KCNMA1: variants seen among roughly 807,000 people sequenced by gnomAD.
The protein encoded by KCNMA1 is Calcium-activated potassium channel subunit alpha-1.
In KCNMA1, 29 loss-of-function variants were observed where a neutral mutation model predicts 140.0. That is an observed-to-expected ratio of 0.21 (90% CI 0.15 to 0.28). The LOEUF (loss-of-function observed/expected upper bound fraction) is 0.28, where lower values mean the gene tolerates loss of function less well. Ranked by LOEUF, KCNMA1 falls within the 10% of genes least tolerant of loss-of-function variation. KCNMA1 has a pLI of 1.00. For synonymous variants in KCNMA1, 612 were observed against 611.9 expected (o/e 1.00, Z 0.00); for missense variants, 880 against 1,602.2 (o/e 0.55, Z 7.70).
chr10:77,380,154 G>T (rs959642522), intron 2 of KCNMA1, among the ~76,000 whole-genome samples: 3 of 152,212 alleles, frequency 2.0e-5, no homozygotes, highest in African/African-American at 7.2e-5. Flanking sequence ...GAAATTTTAT[G>T]TTGTCGTCTG....
intron 2 of KCNMA1, among the ~76,000 whole-genome samples, chr10:77,285,091 T>C (rs1017312606): frequency 6.6e-6 from 1 of 152,202 alleles, no homozygotes; most frequent in African/African-American, 2.4e-5. Context: ...GGAGGTTTAA[T>C]AAAATCTACC....
chr10:76,943,113 G>A (rs10762740), intron 23 of KCNMA1, among the ~76,000 whole-genome samples: 115,169 of 152,094 alleles, frequency 0.76, 44,191 homozygotes, highest in Middle Eastern at 0.85. Context: ...ACCAAATGCC[G>A]GCTTGCCTCT....
intron 1 of KCNMA1, among the ~76,000 whole-genome samples, chr10:77,543,725 G>A (rs754933703): frequency 2.7e-4 from 41 of 152,298 alleles, no homozygotes; most frequent in African/African-American, 8.9e-4. Flanking sequence ...GAATTCCTAC[G>A]TAGGGGACAT....
chr10:77,355,958 G>T (rs1034053744), intron 2 of KCNMA1, among the ~76,000 whole-genome samples: 40 of 152,208 alleles, frequency 2.6e-4, no homozygotes, highest in Admixed American at 1.8e-3. Context: ...CAATATCCAC[G>T]TGGGAAACTC....
At chr10:77,481,826 T>C (rs1339560755) in intron 1 of KCNMA1, among the ~76,000 whole-genome samples, 4 of 116,832 alleles carry the variant, frequency 3.4e-5, no homozygotes, top group Non-Finnish European at 1.8e-5. Context: ...ACTAGGCTTT[T>C]GATATAAATC....
chr10:77,312,974 G>A (rs893567203), intron 2 of KCNMA1, among the ~76,000 whole-genome samples: 60 of 152,090 alleles, frequency 3.9e-4, no homozygotes, highest in African/African-American at 1.4e-3. Context: ...ATTGACACAC[G>A]GCCACTCTCA....
At chr10:77,162,925 G>A (rs569601186) in intron 5 of KCNMA1, among the ~76,000 whole-genome samples, 103 of 152,254 alleles carry the variant, frequency 6.8e-4, no homozygotes, top group African/African-American at 2.3e-3. Flanking sequence ...ACTCATCCTC[G>A]GAAGATCTGA....
At chr10:77,323,340 A>G (rs763263338) in intron 2 of KCNMA1, among the ~76,000 whole-genome samples, 1 of 152,222 alleles carries the variant, frequency 6.6e-6, no homozygotes, top group Admixed American at 6.5e-5. Flanking sequence ...TCTTTCCTTT[A>G]GTGACAAGTG....
rs139054605 is a variant in KCNMA1, at chr10:77,420,545, C to T, written c.379-16522G>A. On this transcript the variant is annotated intron_variant, in intron 1 of 27. Coordinates refer to ENST00000286628, the MANE Select transcript of KCNMA1 (RefSeq NM_001161352.2). The stretch of plus-strand genomic sequence containing the variant: ...TCTGCTTATCAGTCCTCATTACATT[C>T]TAGTCCAGTGGCTACATCCATCAGT... 1.6e-3 allele frequency among the ~76,000 whole-genome samples: 244 copies of T among 152,324 alleles called. 1 individual carries two copies. Among genetic ancestry groups the T allele is most frequent in the Non-Finnish European group, 2.5e-3 (171 of 68,032 alleles).
At chr10:76,926,645 A>G (rs1287283532) in intron 23 of KCNMA1, among the ~76,000 whole-genome samples, 1 of 152,098 alleles carries the variant, frequency 6.6e-6, no homozygotes, top group Non-Finnish European at 1.5e-5. Flanking sequence ...ATCCCTTTAG[A>G]TTACCGTGCA....
chr10:77,034,261 A>AAG (rs1017936737), intron 15 of KCNMA1, among the ~76,000 whole-genome samples: 4 of 151,518 alleles, frequency 2.6e-5, no homozygotes, highest in African/African-American at 4.8e-5. Context: ...AAAAAAAAAA[A>AAG]AGAGAGAGAT....
At chr10:77,587,933 A>T in intron 1 of KCNMA1, 3 of 876,568 alleles carry the variant, frequency 3.4e-6, no homozygotes, top group Non-Finnish European at 4.1e-6. Context: ...TGGAGACATA[A>T]GCAGAGTCCC....
At chr10:77,034,224 A>G (rs2094158838) in intron 15 of KCNMA1, among the ~76,000 whole-genome samples, 1 of 149,696 alleles carries the variant, frequency 6.7e-6, no homozygotes, top group South Asian at 2.2e-4. Flanking sequence ...AGCTTGGGCT[A>G]CAGAGTGAGA....
At chr10:77,520,548 T>C (rs1485196049) in intron 1 of KCNMA1, among the ~76,000 whole-genome samples, 1 of 152,034 alleles carries the variant, frequency 6.6e-6, no homozygotes, top group African/African-American at 2.4e-5. Flanking sequence ...TTATCATTAA[T>C]GTAACTACAT....
chr10:77,457,442 C>T (rs1314111850), intron 1 of KCNMA1, among the ~76,000 whole-genome samples: 2 of 152,126 alleles, frequency 1.3e-5, no homozygotes, highest in African/African-American at 4.8e-5. Flanking sequence ...CCTCTGTGAT[C>T]CTGCCCAGCC....
chr10:77,331,409 G>T (rs909916758), intron 2 of KCNMA1, among the ~76,000 whole-genome samples: 2 of 152,176 alleles, frequency 1.3e-5, no homozygotes, highest in African/African-American at 4.8e-5. Flanking sequence ...AACCATTCCT[G>T]TTTTGAGTAG....
intron 1 of KCNMA1, among the ~76,000 whole-genome samples, chr10:77,481,184 G>C (rs1248018504): frequency 1.3e-5 from 2 of 151,396 alleles, no homozygotes; most frequent in African/African-American, 4.9e-5. Context: ...CATACACACA[G>C]CGTGTACATG....
intron 2 of KCNMA1, among the ~76,000 whole-genome samples, chr10:77,335,267 C>T (rs11002126): frequency 0.23 from 35,621 of 152,152 alleles, 5,193 homozygotes; most frequent in Non-Finnish European, 0.33. Context: ...ACTGAGAGTC[C>T]CTGTTCCACA....
intron 2 of KCNMA1, among the ~76,000 whole-genome samples, chr10:77,289,816 T>A (rs653253): frequency 6.6e-6 from 1 of 152,096 alleles, no homozygotes; most frequent in Non-Finnish European, 1.5e-5. Flanking sequence ...CCAGAGTTAT[T>A]CTTGCAAATT....
Sources: allele counts gnomAD v4.1 joint callset (sites outside exome capture counted in the v4.1 genomes callset), GRCh38; gene constraint gnomAD v4.1.1; transcripts MANE v1.5; gene names NCBI Gene and HGNC (gene_info 2026-07-23, HGNC 2026-07-21).